Variants in CSMD1 observed in about 807,000 individuals in gnomAD.
CSMD1 encodes CUB and Sushi multiple domains 1, also known as CUB and sushi domain-containing protein 1.
Under a neutral mutation model 417.5 loss-of-function variants are expected in CSMD1, and 213 were observed. That is an observed-to-expected ratio of 0.51 (90% CI 0.46 to 0.57). CSMD1 has a LOEUF of 0.57. CSMD1 is among the 20% of genes least tolerant of loss of function. The probability of loss-of-function intolerance (pLI) is 0.00; values close to 1 mark genes in which losing one functional copy is unlikely to be tolerated. For missense variants in CSMD1, 6,923 were observed against 4,529.7 expected, an observed-to-expected ratio of 1.53 and a Z score of -15.17; for synonymous variants, 2,862 against 1,736.8, an observed-to-expected ratio of 1.65 and a Z score of -16.11.
At chr8:3,064,439 G>C (rs1008497718) in intron 49 of CSMD1, among the ~76,000 whole-genome samples, 3 of 152,136 alleles carry the variant, frequency 2.0e-5, no homozygotes, top group Non-Finnish European at 4.4e-5. Context: ...TGCCATGATT[G>C]TAAGTTTCCT....
At chr8:3,099,942 G>C (rs1815610562) in intron 46 of CSMD1, among the ~76,000 whole-genome samples, 1 of 152,060 alleles carries the variant, frequency 6.6e-6, no homozygotes, top group African/African-American at 2.4e-5. Flanking sequence ...TTTATCATTT[G>C]TATCATTTTT....
At chr8:3,894,651 T>C (rs1024227192) in intron 5 of CSMD1, among the ~76,000 whole-genome samples, 3 of 152,194 alleles carry the variant, frequency 2.0e-5, no homozygotes, top group African/African-American at 7.2e-5. Context: ...ACTTCACTAT[T>C]AACCTAACAA....
At chr8:3,981,065 T>A (rs573656559) in intron 5 of CSMD1, among the ~76,000 whole-genome samples, 11 of 152,312 alleles carry the variant, frequency 7.2e-5, no homozygotes, top group African/African-American at 2.6e-4. Flanking sequence ...AAAACGCCCG[T>A]ACTTGTAGTT....
At chr8:3,571,824 T>C (rs1799956306) in intron 10 of CSMD1, among the ~76,000 whole-genome samples, 1 of 152,152 alleles carries the variant, frequency 6.6e-6, no homozygotes, top group African/African-American at 2.4e-5. Flanking sequence ...ATCTTTCATC[T>C]GAAGTACTGT....
intron 1 of CSMD1, among the ~76,000 whole-genome samples, chr8:4,750,561 T>A (rs1308549375): frequency 6.6e-6 from 1 of 152,178 alleles, no homozygotes; most frequent in Non-Finnish European, 1.5e-5. Context: ...ATAGGTCAGA[T>A]CTTTTTTCAC....
At chr8:4,282,249 G>A (rs980606078) in intron 3 of CSMD1, among the ~76,000 whole-genome samples, 3 of 152,164 alleles carry the variant, frequency 2.0e-5, no homozygotes, top group Non-Finnish European at 2.9e-5. Context: ...ATGCAAAGGT[G>A]AATATAATCC....
intron 4 of CSMD1, among the ~76,000 whole-genome samples, chr8:4,011,673 A>G (rs1241344045): frequency 1.3e-5 from 2 of 152,214 alleles, no homozygotes; most frequent in African/African-American, 2.4e-5. Flanking sequence ...CTAAATTTTT[A>G]AACTACGAAA....
intron 3 of CSMD1, among the ~76,000 whole-genome samples, chr8:4,216,504 T>C (rs1800679588): frequency 6.6e-6 from 1 of 152,176 alleles, no homozygotes; most frequent in South Asian, 2.1e-4. Context: ...AATTAGTGCT[T>C]ATTCAGTACC....
In CSMD1 at chr8:3,926,419, C is replaced by G. The variant is rs545245171; in HGVS notation, c.818+71484G>C. On this transcript the variant is annotated intron_variant, in intron 5 of 69. Transcript: ENST00000635120. The stretch of plus-strand genomic sequence containing the variant: ...TTTCTGTCTTTTGTTGAGATATTAC[C>G]AGTAGCTAATATAGAGTCTGTTATA... 1.3e-4 allele frequency among the ~76,000 whole-genome samples: 20 copies of G among 149,466 alleles called. 1 individual carries two copies. The South Asian group carries it at 4.2e-3, about 31-fold the overall frequency.
intron 5 of CSMD1, among the ~76,000 whole-genome samples, chr8:3,772,840 C>G (rs189866684): frequency 8.2e-4 from 125 of 152,044 alleles, no homozygotes; most frequent in African/African-American, 2.8e-3. Context: ...CACCTCCCAA[C>G]CCCCTCCTCT....
intron 9 of CSMD1, among the ~76,000 whole-genome samples, chr8:3,576,589 A>C (rs958752038): frequency 1.3e-5 from 2 of 152,220 alleles, no homozygotes; most frequent in African/African-American, 4.8e-5. Context: ...TAACTTTTAA[A>C]ATGCTGGCAT....
intron 12 of CSMD1, among the ~76,000 whole-genome samples, chr8:3,424,428 T>G (rs1466867718): frequency 6.6e-6 from 1 of 152,196 alleles, no homozygotes; most frequent in African/African-American, 2.4e-5. Context: ...TACCACAAGG[T>G]AGCACGTCTA....
At position 3,515,568 on chromosome 8, in the gene CSMD1, G is replaced by A. The variant is rs114052054; in HGVS notation, c.1345-21842C>T. 6.6e-3 allele frequency among the ~76,000 whole-genome samples: 1,010 copies of A among 152,292 alleles called. 14 individuals carry two copies. Among genetic ancestry groups the A allele is most frequent in the African/African-American group, 0.023 (955 of 41,558 alleles). On this transcript the variant is annotated intron_variant, in intron 10 of 69. Transcript: ENST00000635120. ...AAGCAGGACATGCTCTCCCATTGCCGTTTTCGGAAGTTTAGAATGTTTCCA... is the reference window on the plus strand; with the variant it reads ...AAGCAGGACATGCTCTCCCATTGCCATTTTCGGAAGTTTAGAATGTTTCCA...
At chr8:2,948,365 G>A (rs928902804) in intron 68 of CSMD1, among the ~76,000 whole-genome samples, 1 of 151,896 alleles carries the variant, frequency 6.6e-6, no homozygotes, top group African/African-American at 2.4e-5. Context: ...AGCAGACGAG[G>A]TAGCATTCAG....
chr8:3,637,518 A>G (rs1027486144), intron 7 of CSMD1, among the ~76,000 whole-genome samples: 11 of 152,192 alleles, frequency 7.2e-5, no homozygotes, highest in Non-Finnish European at 1.6e-4. Flanking sequence ...ATACAAAACT[A>G]CCTGACAAGA....
intron 1 of CSMD1, among the ~76,000 whole-genome samples, chr8:4,895,588 G>A (rs559374984): frequency 1.3e-5 from 2 of 152,156 alleles, no homozygotes; most frequent in East Asian, 3.9e-4. Flanking sequence ...ATTGATTATA[G>A]TTATTCGGGG....
intron 23 of CSMD1, among the ~76,000 whole-genome samples, chr8:3,330,644 G>T (rs73171175): frequency 6.6e-6 from 1 of 151,994 alleles, no homozygotes; most frequent in East Asian, 1.9e-4. Context: ...TAACTAATGG[G>T]TACTAGGCTT....
At chr8:3,283,696 C>G (rs556727054) in intron 26 of CSMD1, among the ~76,000 whole-genome samples, 1 of 152,124 alleles carries the variant, frequency 6.6e-6, no homozygotes. Flanking sequence ...AAGGACACTC[C>G]CAGGATGCAG....
At position 3,509,780 on chromosome 8, in the gene CSMD1, T is replaced by C. The variant is rs1161879962; in HGVS notation, c.1345-16054A>G. Among the ~76,000 whole-genome samples, 3 of 152,338 alleles carry C rather than the reference T, an allele frequency of 2.0e-5. No homozygotes were observed. In the East Asian group the frequency reaches 5.8e-4, roughly 29 times the overall value. On this transcript the variant is annotated intron_variant, in intron 10 of 69. Transcript: ENST00000635120. ...GAATCCAAGGGGTCTGCTTGATGCC[T>C]TCTGTCCTGGAGCACACGTCTGTCA... is the stretch of plus-strand genomic sequence containing the variant.
Sources: gnomAD v4.1 joint callset for allele counts (sites outside exome capture counted in the v4.1 genomes callset) on GRCh38, gnomAD v4.1.1 for gene constraint, MANE v1.5 for transcripts, NCBI Gene and HGNC (gene_info 2026-07-23, HGNC 2026-07-21) for gene names.